TXNRD2: variants seen among roughly 807,000 people sequenced by gnomAD.
TXNRD2 encodes thioredoxin reductase 2, mitochondrial.
Under a neutral mutation model 70.8 loss-of-function variants are expected in TXNRD2, and 67 were observed. The observed-to-expected ratio is 0.95, with a 90% CI of 0.78 to 1.16. The LOEUF is 1.16. Among genes scored for constraint, TXNRD2 ranks in the 50% most tolerant of loss-of-function variants. The pLI, the probability that TXNRD2 is intolerant of heterozygous loss-of-function variation, is 0.00. For missense variants in TXNRD2, 644 were observed against 719.9 expected (o/e 0.89, Z 1.21); for synonymous variants, 301 against 295.8 (o/e 1.02, Z -0.18).
intron 11 of TXNRD2, among the ~76,000 whole-genome samples, chr22:19,884,800 C>T (rs901231908): frequency 6.6e-6 from 1 of 152,194 alleles, no homozygotes; most frequent in African/African-American, 2.4e-5. Flanking sequence ...AGCAAGCCCC[C>T]GTAACCCGCT....
chr22:19,917,516 C>A (rs1318603165), intron 5 of TXNRD2, among the ~76,000 whole-genome samples: 1 of 152,186 alleles, frequency 6.6e-6, no homozygotes, highest in Non-Finnish European at 1.5e-5. Flanking sequence ...CTCTGCGGGA[C>A]CACTGTCCCC....
chr22:19,927,429 G>A (rs1169396479), intron 2 of TXNRD2, among the ~76,000 whole-genome samples: 4 of 151,882 alleles, frequency 2.6e-5, no homozygotes, highest in Non-Finnish European at 4.4e-5. Flanking sequence ...TGAGGCAGAC[G>A]GATCACTTGA....
Position 19,918,988 on chromosome 22 carries a change from G to T in TXNRD2, c.246C>A (p.Leu82=). 1 of 1,610,042 alleles carries T rather than the reference G, an allele frequency of 6.2e-7. No individual in the cohort carries two copies. ...AGCCCACGTTGACGCAGGTGCCGCC[G>T]AGGCCCCACCGGGTGCCTGGGACGT... ...EPSPQGTRWG[L]GGTCVNVGCI... The change falls in exon 4 of 18, where the codon CTC becomes CTA. Residue 82 remains leucine (L), a synonymous_variant. Coordinates refer to ENST00000400521, the MANE Select transcript of TXNRD2 (RefSeq NM_006440.5).
intron 11 of TXNRD2, chr22:19,887,761 G>C (rs1939095397): frequency 6.6e-6 from 1 of 152,296 alleles, no homozygotes; most frequent in Non-Finnish European, 1.5e-5. Flanking sequence ...GTGGGAGCCA[G>C]AGGTGGCCGA....
At chr22:19,919,432 C>T in intron 3 of TXNRD2, 111 bp downstream of exon 3, 1 of 968,654 alleles carries the variant, frequency 1.0e-6, no homozygotes, top group Non-Finnish European at 1.6e-6. Flanking sequence ...GTCCAGAAAC[C>T]ATGGACAGCA....
chr22:19,913,209 G>A (rs77542965), intron 7 of TXNRD2, among the ~76,000 whole-genome samples: 2,939 of 152,294 alleles, frequency 0.019, 107 homozygotes, highest in African/African-American at 0.065. Flanking sequence ...TAAAAACAGC[G>A]ATAAAACTGG....
chr22:19,897,962 C>T (rs978629097), intron 10 of TXNRD2, 77 bp downstream of exon 10: 43 of 1,252,634 alleles, frequency 3.4e-5, no homozygotes, highest in Non-Finnish European at 3.9e-5. Flanking sequence ...CATGACTGCA[C>T]TGCACCTGCC....
intron 14 of TXNRD2, among the ~76,000 whole-genome samples, chr22:19,879,879 G>A (rs117304417): frequency 0.017 from 2,640 of 152,244 alleles, 32 homozygotes; most frequent in Admixed American, 0.03. Context: ...GGGGCTTCTG[G>A]GCCACAGGGC....
intron 8 of TXNRD2, among the ~76,000 whole-genome samples, chr22:19,899,495 G>T (rs1190463520): frequency 1.3e-5 from 2 of 152,250 alleles, no homozygotes; most frequent in East Asian, 3.8e-4. Flanking sequence ...ACCACAGAAG[G>T]CTGGGCCCTT....
At position 19,880,625 on chromosome 22, in the gene TXNRD2, G is replaced by T. The variant is rs752036480; in HGVS notation, c.1179C>A (p.Asp393Glu). 3 of 1,613,278 alleles carry T rather than the reference G, an allele frequency of 1.9e-6. No individual in the cohort carries two copies. ...FGGSSDLMDY[D>E]NVPTTVFTPL... ...GGCGTCCTGCTAGAGAACTCACATTGTCGTAGTCCATCAGATCTGAGGACC... is the reference window on the plus strand; with the variant it reads ...GGCGTCCTGCTAGAGAACTCACATTTTCGTAGTCCATCAGATCTGAGGACC... Residue 393 changes from aspartate to glutamate, a missense_variant, in exon 13 of 18, where the codon GAC (aspartate) becomes GAA (glutamate). Around this residue, in one of 3 missense-constraint regions of TXNRD2, gnomAD observed 566 missense variants for 645.0 expected, o/e 0.88. Coordinates refer to ENST00000400521, the MANE Select transcript of TXNRD2 (RefSeq NM_006440.5).
Position 19,900,689 on chromosome 22 carries a change from G to A in TXNRD2, c.663-1621C>T, listed in dbSNP as rs532880023. On this transcript the variant is annotated intron_variant, in intron 8 of 17. Transcript: ENST00000400521. ...GGTGTAAACCCAGGAGGTGGAGCTT[G>A]CAGTGAGCCAAGATCGTGTCACTGC... Among the ~76,000 whole-genome samples the A allele has an allele frequency of 5.3e-5, 8 of 151,896 alleles. No individual in the cohort carries two copies. In the East Asian group the frequency reaches 1.5e-3, roughly 29 times the overall value.
At chr22:19,938,476 C>T (rs55704968) in intron 1 of TXNRD2, among the ~76,000 whole-genome samples, 4,760 of 152,192 alleles carry the variant, frequency 0.031, 184 homozygotes, top group African/African-American at 0.092. Flanking sequence ...AGGTTGAGGG[C>T]CTAGTTGATA....
chr22:19,892,848 A>T (rs1046165339), intron 11 of TXNRD2, among the ~76,000 whole-genome samples: 2 of 152,228 alleles, frequency 1.3e-5, no homozygotes, highest in Admixed American at 1.3e-4. Context: ...GATGAGAACC[A>T]TCAGTACACT....
chr22:19,919,671 G>A (rs1940814207), intron 2 of TXNRD2, 72 bp from the exon 3 acceptor site: 2 of 1,328,676 alleles, frequency 1.5e-6, no homozygotes, highest in Non-Finnish European at 2.0e-6. Context: ...CACTCCTCAG[G>A]GCTTGTGAGG....
intron 11 of TXNRD2, 194 bp from the exon 12 acceptor site, chr22:19,883,655 T>C (rs1216192154): frequency 2.8e-6 from 2 of 704,928 alleles, no homozygotes; most frequent in East Asian, 5.5e-5. Context: ...CTGGCCAACA[T>C]GATGAAACCC....
chr22:19,881,593 C>T (rs1336263361), intron 12 of TXNRD2, among the ~76,000 whole-genome samples: 4 of 152,226 alleles, frequency 2.6e-5, no homozygotes, highest in Non-Finnish European at 4.4e-5. Flanking sequence ...TCTGGCAAAA[C>T]GGTTTGAAAT....
At chr22:19,898,966 C>A (rs542325580) in intron 9 of TXNRD2, 83 bp downstream of exon 9, 2 of 1,568,500 alleles carry the variant, frequency 1.3e-6, no homozygotes, top group African/African-American at 1.3e-5. Context: ...AAGAGCCTGC[C>A]GGAAGGGCGG....
chr22:19,899,285 C>T (rs534084955), intron 8 of TXNRD2, among the ~76,000 whole-genome samples: 25 of 152,316 alleles, frequency 1.6e-4, no homozygotes, highest in African/African-American at 5.8e-4. Flanking sequence ...TGGTGAAGGG[C>T]GTGTGTGTCA....
chr22:19,879,338 G>A lies in TXNRD2; in HGVS notation c.1275+841C>T, dbSNP rs958825720. Among the ~76,000 whole-genome samples, 6 of 152,250 alleles carry A rather than the reference G, an allele frequency of 3.9e-5. No homozygotes were observed. In the South Asian group the frequency reaches 6.2e-4, roughly 16 times the overall value. On this transcript the variant is annotated intron_variant, in intron 14 of 17. Transcript: ENST00000400521. ...TCTCTGGGTGCCTGCAAGCTGCAGC[G>A]GCAGCAAGATGAAACCGCACCGAAG...
Sources: allele counts gnomAD v4.1 joint callset (sites outside exome capture counted in the v4.1 genomes callset), GRCh38; gene constraint gnomAD v4.1.1; regional missense constraint gnomAD v4.1.1; transcripts MANE v1.5; gene names NCBI Gene and HGNC (gene_info 2026-07-23, HGNC 2026-07-21).